RBM5: variants seen among roughly 807,000 people sequenced by gnomAD.
RBM5 encodes RNA binding motif protein 5.
RBM5 carries 15 observed loss-of-function variants against 124.6 expected under a neutral mutation model. The ratio of observed to expected loss-of-function variants is 0.12; its 90% CI spans 0.08 to 0.19. The LOEUF is 0.19. RBM5 is among the 10% of genes least tolerant of loss of function. RBM5 has a pLI of 1.00. For synonymous variants in RBM5, 337 were observed against 361.2 expected (o/e 0.93, Z 0.76); for missense variants, 580 against 1,026.5 (o/e 0.57, Z 5.94).
Position 50,098,322 on chromosome 3 carries a change from G to A in RBM5, c.340-1660G>A, listed in dbSNP as rs79048283. ...GTTGCACTTTGTCACCCAGGCTGGA[G>A]TGCAGTGGTGCAATAGCCCATTGTA... is the stretch of plus-strand genomic sequence containing the variant. On this transcript the variant is annotated intron_variant, in intron 4 of 24. Transcript: ENST00000347869. 1.2e-4 allele frequency among the ~76,000 whole-genome samples: 18 copies of A among 152,206 alleles called. No individual in the cohort carries two copies. In the East Asian group the frequency reaches 2.3e-3, roughly 20 times the overall value.
chr3:50,118,112 G>T (rs1030158810), intron 24 of RBM5: 1 of 597,054 alleles, frequency 1.7e-6, no homozygotes, highest in Non-Finnish European at 2.9e-6. Flanking sequence ...GCATTGAGGG[G>T]TGGGTGATTT....
chr3:50,105,443 A>G, intron 9 of RBM5, 106 bp from the exon 10 acceptor site: 3 of 1,216,560 alleles, frequency 2.5e-6, no homozygotes, highest in Non-Finnish European at 2.3e-6. Context: ...AAAATACACT[A>G]GGAATGTCAC....
chr3:50,090,550 GC>G, intron 2 of RBM5, 99 bp downstream of exon 2: 1 of 1,375,348 alleles, frequency 7.3e-7, no homozygotes, highest in Non-Finnish European at 1.0e-6. Flanking sequence ...AGTGTTTTGC[GC>G]CAGGCATTGC....
At chr3:50,105,771 C>T (rs2091016085) in intron 10 of RBM5, 62 bp downstream of exon 10, 8 of 1,558,434 alleles carry the variant, frequency 5.1e-6, no homozygotes, top group Non-Finnish European at 7.0e-6. Flanking sequence ...AAATGTGGTT[C>T]ATCCAGTTTT....
At chr3:50,110,852 C>T (rs2091130646) in intron 17 of RBM5, 82 bp downstream of exon 17, 2 of 1,142,562 alleles carry the variant, frequency 1.8e-6, no homozygotes, top group Non-Finnish European at 2.5e-6. Flanking sequence ...GAAATATTTC[C>T]TGCAAAAGAA....
chr3:50,100,700 T>C lies in RBM5; in HGVS notation c.483+95T>C. 1 of 978,330 alleles carries C rather than the reference T, an allele frequency of 1.0e-6. No individual in the cohort carries two copies. The highest frequency in any genetic ancestry group is 1.5e-6 in the Non-Finnish European group (1 of 665,758). The allele number at this position is 978,330 out of a possible 1,614,324, so 60.6% of individuals were successfully genotyped here. A position where few individuals can be genotyped will look rare whatever the true frequency, so the allele number is the denominator to read the frequency against. On this transcript the variant is annotated intron_variant, in intron 6 of 24. Transcript: ENST00000347869. This position sits in a 1 kb window ranked among gnomAD's most constrained non-coding sequence, Gnocchi z 5.1. ...GAAGGAGTGGTTTGTTCCAAAGGAGTGACTTTTTTTTAAAAAAAAAGCTTT... is the reference window on the plus strand; with the variant it reads ...GAAGGAGTGGTTTGTTCCAAAGGAGCGACTTTTTTTTAAAAAAAAAGCTTT...
intron 3 of RBM5, chr3:50,092,952 T>A: frequency 1.1e-5 from 2 of 182,714 alleles, no homozygotes; most frequent in Non-Finnish European, 2.1e-5. Context: ...TCTTTTTTTT[T>A]TTTTTTTTTT....
At chr3:50,094,917 C>CCAGG (rs2090780597) in intron 4 of RBM5, among the ~76,000 whole-genome samples, 1 of 152,156 alleles carries the variant, frequency 6.6e-6, no homozygotes, top group Non-Finnish European at 1.5e-5. Context: ...ACCATTTTGG[C>CCAGG]CAGGCGCGGT....
At chr3:50,103,752 T>C (rs2090983923) in intron 7 of RBM5, among the ~76,000 whole-genome samples, 1 of 152,254 alleles carries the variant, frequency 6.6e-6, no homozygotes, top group African/African-American at 2.4e-5. Context: ...CTCTCAGTTT[T>C]TGGCGTAGTC....
intron 24 of RBM5, 183 bp from the exon 25 acceptor site, chr3:50,118,148 C>G: frequency 1.3e-6 from 1 of 775,362 alleles, no homozygotes; most frequent in South Asian, 2.0e-5. Context: ...GTTCCGTAGC[C>G]CATTTTATTC....
At chr3:50,104,881 C>T in intron 8 of RBM5, 196 bp from the exon 9 acceptor site, 1 of 514,300 alleles carries the variant, frequency 1.9e-6, no homozygotes, top group Non-Finnish European at 3.5e-6. Context: ...AGTGTCAGTC[C>T]CACTGTGGCC....
At chr3:50,106,104 C>T (rs954998396) in intron 10 of RBM5, among the ~76,000 whole-genome samples, 1 of 146,176 alleles carries the variant, frequency 6.8e-6, no homozygotes, top group Non-Finnish European at 1.5e-5. Context: ...AGGTGCCCGC[C>T]ACCACGCCCA....
intron 11 of RBM5, chr3:50,107,231 T>C: frequency 1.7e-6 from 1 of 603,504 alleles, no homozygotes; most frequent in Non-Finnish European, 3.0e-6. Context: ...ACGGTAAATT[T>C]CCCTTTTTTT....
Position 50,089,551 on chromosome 3 carries a change from T to C in RBM5, c.-54+522T>C, listed in dbSNP as rs151008141. ...GGCCGCGAGACCCCACGGAGGTGGG[T>C]GCCGGCACCGCCCGGGAGACAAGGG... On this transcript the variant is annotated intron_variant, in intron 1 of 24. Coordinates refer to ENST00000347869, the MANE Select transcript of RBM5 (RefSeq NM_005778.4). Among the ~76,000 whole-genome samples, 1,378 of 152,286 alleles carry C rather than the reference T, an allele frequency of 9.0e-3. 32 individuals carry two copies. The highest frequency in any genetic ancestry group is 0.031 in the African/African-American group (1,281 of 41,544).
chr3:50,096,517 A>G (rs1041315019), intron 4 of RBM5, among the ~76,000 whole-genome samples: 2 of 152,030 alleles, frequency 1.3e-5, no homozygotes, highest in Non-Finnish European at 2.9e-5. Context: ...AAAAGGTCCT[A>G]TTGAAAGAGG....
rs112672304 is a variant in RBM5 at position 50,118,454 on chromosome 3, T to TGAGA, written c.*17_*20dup. 5.8e-4 allele frequency: 913 copies of TGAGA among 1,577,492 alleles called. No homozygotes were observed. In the East Asian group the frequency reaches 8.9e-3, roughly 15 times the overall value. On this transcript the variant is annotated frameshift_variant and stop_retained_variant, in exon 25 of 25. Transcript: ENST00000347869. LOFTEE classifies it high-confidence loss of function. Reference sequence around the variant, plus strand: ...GTTTGCCCGGTTCACTGAGATGGAGTGAGAGAGAGAGAGAGAGAGAGATGA... The same window carrying TGAGA: ...GTTTGCCCGGTTCACTGAGATGGAGTGAGAGAGAGAGAGAGAGAGAGAGAGATGA...
chr3:50,109,613 GACC>G lies in RBM5; in HGVS notation c.1210_1212del (p.Thr404del). On this transcript the variant is annotated inframe_deletion, in exon 15 of 25. Coordinates refer to ENST00000347869, the MANE Select transcript of RBM5 (RefSeq NM_005778.4). ...TGTGTTTATCATCAGGCACAGCAGT[GACC>G]ACCACCTCAGCGGCTGTAGTGTCCC... 6.2e-7 allele frequency: 1 copy of G among 1,614,002 alleles called. No homozygotes were observed.
At chr3:50,104,602 C>T in intron 8 of RBM5, 2 of 330,500 alleles carry the variant, frequency 6.1e-6, no homozygotes, top group Non-Finnish European at 1.1e-5. Context: ...ATGGTCATAC[C>T]ACTGCACTCC....
Position 50,092,029 on chromosome 3 carries a change from A to G in RBM5, c.18-14A>G, listed in dbSNP as rs550073354. On this transcript the variant is annotated splice_polypyrimidine_tract_variant and intron_variant, in intron 2 of 24. Coordinates refer to ENST00000347869, the MANE Select transcript of RBM5 (RefSeq NM_005778.4). ...TGTGACTGACTTTAGAATGAAAATT[A>G]TTTTCCCTGGCAGAGTGAGTAGAAC... 1.9e-6 allele frequency: 3 copies of G among 1,613,470 alleles called. No individual in the cohort carries two copies. In the South Asian group the frequency reaches 3.3e-5, roughly 18 times the overall value.
Sources: allele counts gnomAD v4.1 joint callset (sites outside exome capture counted in the v4.1 genomes callset), GRCh38; gene constraint gnomAD v4.1.1; non-coding constraint Gnocchi (gnomAD v3.1); transcripts MANE v1.5; gene names NCBI Gene and HGNC (gene_info 2026-07-23, HGNC 2026-07-21).